Variants in ASB15 observed in about 807,000 individuals in gnomAD.
ASB15 encodes ankyrin repeat and SOCS box containing 15, also known as ankyrin repeat and SOCS box protein 15.
A neutral mutation model predicts 58.0 loss-of-function variants in ASB15; 54 were observed. That is an observed-to-expected ratio of 0.93 (90% confidence interval 0.75 to 1.17). The LOEUF (loss-of-function observed/expected upper bound fraction) is 1.17, where lower values mean the gene tolerates loss of function less well. Ranked by LOEUF, ASB15 falls within the 50% of genes most tolerant of loss-of-function variation. The pLI, the probability that ASB15 is intolerant of heterozygous loss-of-function variation, is 0.00. For synonymous variants in ASB15, 249 were observed against 262.4 expected (o/e 0.95, Z 0.50); for missense variants, 680 against 707.4 (o/e 0.96, Z 0.44).
intron 11 of ASB15, 23 bp from the exon 12 acceptor site, chr7:123,636,786 C>T (rs1165305709): frequency 2.5e-6 from 4 of 1,584,240 alleles, no homozygotes; most frequent in Non-Finnish European, 3.4e-6. Context: ...AATTTTTTTG[C>T]TTATTTTCCC....
intron 11 of ASB15, 27 bp from the exon 12 acceptor site, chr7:123,636,782 T>G: frequency 6.3e-7 from 1 of 1,578,068 alleles, no homozygotes; most frequent in Non-Finnish European, 8.6e-7. Flanking sequence ...AAAAAATTTT[T>G]TTGCTTATTT....
chr7:123,576,940 C>T (rs900276205), intron 1 of ASB15, among the ~76,000 whole-genome samples: 4 of 152,064 alleles, frequency 2.6e-5, no homozygotes, highest in African/African-American at 4.8e-5. Context: ...GTTGCTTATG[C>T]ACAAATTTTC....
Position 123,594,318 on chromosome 7 carries a change from C to T in ASB15, c.-442-9714C>T, listed in dbSNP as rs191475566. 2.8e-3 allele frequency among the ~76,000 whole-genome samples: 433 copies of T among 152,188 alleles called. 8 individuals are homozygous for T. The highest frequency in any genetic ancestry group is 0.025 in the Admixed American group (379 of 15,292). On this transcript the variant is annotated intron_variant, in intron 1 of 13. Coordinates refer to the ASB15 transcript ENST00000451558. ...CTCATTCTCTGTCCAGTTTTGTTCCCTTGCTGGCAAGGAGTTGTGTTCCTT... is the reference window on the plus strand; with the variant it reads ...CTCATTCTCTGTCCAGTTTTGTTCCTTTGCTGGCAAGGAGTTGTGTTCCTT...
rs140959221 is a variant in ASB15 at position 123,593,036 on chromosome 7, G to C, written c.-442-10996G>C. Among the ~76,000 whole-genome samples, 1,341 of 151,890 alleles carry C rather than the reference G, an allele frequency of 8.8e-3. 18 individuals carry two copies. Among genetic ancestry groups the C allele is most frequent in the African/African-American group, 0.031 (1,269 of 41,450 alleles). On this transcript the variant is annotated intron_variant, in intron 1 of 13. Coordinates refer to the ASB15 transcript ENST00000451558. ...TTACCATTATGTAATGGTTTTCTTTGTCTCTTTTGATCTTTGTTGGTTTAA... is the reference window on the plus strand; with the variant it reads ...TTACCATTATGTAATGGTTTTCTTTCTCTCTTTTGATCTTTGTTGGTTTAA...
chr7:123,624,804 A>G lies in ASB15; in HGVS notation c.687A>G (p.Leu229=), dbSNP rs773471840. 4.3e-6 allele frequency: 7 copies of G among 1,613,674 alleles called. No individual in the cohort carries two copies. Among genetic ancestry groups the G allele is most frequent in the Non-Finnish European group, 5.9e-6 (7 of 1,179,804 alleles). The change falls in exon 8 of 12, where the codon CTA becomes CTG. Residue 229 remains leucine, a synonymous_variant. Transcript: ENST00000451215. The part of the protein sequence containing the change: ...EYGHCDVLEH[L]IHKGGDVLAL... Reference sequence around the variant, plus strand: ...GTCACTGTGACGTGTTAGAACATCTAATCCACAAAGGTATGTGAAAAGGAG... The same window carrying G: ...GTCACTGTGACGTGTTAGAACATCTGATCCACAAAGGTATGTGAAAAGGAG...
At chr7:123,586,453 C>G (rs1008792358) in intron 1 of ASB15, among the ~76,000 whole-genome samples, 6 of 151,672 alleles carry the variant, frequency 4.0e-5, no homozygotes, top group African/African-American at 1.5e-4. Context: ...GAGTTGTATA[C>G]ATTCCTTATA....
At chr7:123,594,603 C>G (rs1799641426) in intron 1 of ASB15, among the ~76,000 whole-genome samples, 1 of 152,258 alleles carries the variant, frequency 6.6e-6, no homozygotes, top group East Asian at 1.9e-4. Flanking sequence ...CTAGGTATCA[C>G]CAGCAGAAGC....
At chr7:123,589,138 A>T (rs150208367) in intron 1 of ASB15, among the ~76,000 whole-genome samples, 17 of 151,932 alleles carry the variant, frequency 1.1e-4, no homozygotes, top group Non-Finnish European at 1.0e-4. Context: ...TTGAAAGTAG[A>T]GTATTGAAGT....
chr7:123,629,947 A>G lies in ASB15; in HGVS notation c.1441-19A>G, dbSNP rs73718443. 1,952 of 1,529,628 alleles carry G rather than the reference A, an allele frequency of 1.3e-3. 29 individuals are homozygous for G. The African/African-American group carries it at 0.025, about 19-fold the overall frequency. 94.8% of individuals were successfully genotyped at this position (1,529,628 alleles called of 1,614,324 possible). A position where few individuals can be genotyped will look rare whatever the true frequency, so the allele number is the denominator to read the frequency against. The stretch of plus-strand genomic sequence containing the variant: ...GATATTAAAAATACTACTAAATTAA[A>G]TTTTATCAATTCTCTCAGTTCTGTG... On this transcript the variant is annotated intron_variant, in intron 10 of 11. Coordinates refer to ENST00000451215, the MANE Select transcript of ASB15 (RefSeq NM_001290258.2).
At chr7:123,606,072 C>T (rs908158199) in intron 2 of ASB15, among the ~76,000 whole-genome samples, 4 of 152,040 alleles carry the variant, frequency 2.6e-5, no homozygotes, top group African/African-American at 7.2e-5. Flanking sequence ...GTAGTCAAAA[C>T]GTTTTTTACT....
intron 1 of ASB15, among the ~76,000 whole-genome samples, chr7:123,586,809 G>A (rs1090538): frequency 0.98 from 149,296 of 151,852 alleles, 73,450 homozygotes; most frequent in East Asian, 1. Flanking sequence ...AAAGACTATC[G>A]TTTCCTCATT....
intron 1 of ASB15, among the ~76,000 whole-genome samples, chr7:123,593,857 A>C (rs775959720): frequency 9.2e-5 from 14 of 152,170 alleles, no homozygotes. Flanking sequence ...TCTCCTGGAT[A>C]ATAGCCTGAA....
chr7:123,633,614 A>AGTGTGTGT (rs78550048), intron 11 of ASB15, among the ~76,000 whole-genome samples: 20 of 150,706 alleles, frequency 1.3e-4, no homozygotes, highest in Non-Finnish European at 2.7e-4. Flanking sequence ...GATTATGCTG[A>AGTGTGTGT]GTGTGTGTGT....
chr7:123,617,787 G>T (rs569352950), intron 7 of ASB15, 50 bp downstream of exon 7: 1 of 1,519,688 alleles, frequency 6.6e-7, no homozygotes, highest in African/African-American at 1.4e-5. Flanking sequence ...CAAAGAATAA[G>T]TATTTATTGG....
intron 1 of ASB15, among the ~76,000 whole-genome samples, chr7:123,567,423 A>T (rs1798792646): frequency 6.6e-6 from 1 of 152,152 alleles, no homozygotes; most frequent in African/African-American, 2.4e-5. Flanking sequence ...CATTTTACAA[A>T]ATTTGCTTTG....
intron 1 of ASB15, among the ~76,000 whole-genome samples, chr7:123,583,863 C>T (rs1799303421): frequency 6.6e-6 from 1 of 151,754 alleles, no homozygotes; most frequent in African/African-American, 2.4e-5. Flanking sequence ...AAAAACCAAA[C>T]CTAAAGTTTG....
intron 1 of ASB15, among the ~76,000 whole-genome samples, chr7:123,576,587 C>T (rs1045697087): frequency 6.6e-6 from 1 of 152,246 alleles, no homozygotes; most frequent in Non-Finnish European, 1.5e-5. Context: ...AGCTGTCACT[C>T]ATCTATGGGA....
At chr7:123,633,094 A>G (rs1355401187) in intron 11 of ASB15, among the ~76,000 whole-genome samples, 1 of 152,168 alleles carries the variant, frequency 6.6e-6, no homozygotes, top group Non-Finnish European at 1.5e-5. Flanking sequence ...TGACGTCCAA[A>G]GGATCCACTA....
intron 2 of ASB15, among the ~76,000 whole-genome samples, chr7:123,606,079 T>A (rs1800136383): frequency 6.6e-6 from 1 of 152,200 alleles, no homozygotes; most frequent in Admixed American, 6.5e-5. Flanking sequence ...AAACGTTTTT[T>A]ACTCACCCTA....
Sources: allele counts gnomAD v4.1 joint callset (sites outside exome capture counted in the v4.1 genomes callset), GRCh38; gene constraint gnomAD v4.1.1; transcripts MANE v1.5; gene names NCBI Gene and HGNC (gene_info 2026-07-23, HGNC 2026-07-21).